RGS3: variants seen among roughly 807,000 people sequenced by gnomAD.
RGS3 encodes the protein regulator of G protein signaling 3.
Under a neutral mutation model 132.6 loss-of-function variants are expected in RGS3, and 80 were observed. The observed-to-expected ratio is 0.60, with a 90% CI of 0.50 to 0.73. The LOEUF is 0.73. Ranked by LOEUF, RGS3 falls within the 30% of genes least tolerant of loss-of-function variation. RGS3 has a pLI of 0.00. For missense variants in RGS3, 1,382 were observed against 1,530.8 expected, an observed-to-expected ratio of 0.90 and a Z score of 1.62; for synonymous variants, 598 against 620.6, an observed-to-expected ratio of 0.96 and a Z score of 0.54.
chr9:113,584,398 C>A (rs746983346), exon 20 of RGS3: 20 of 1,527,686 alleles, frequency 1.3e-5, no homozygotes, highest in South Asian at 7.6e-5. Context: ...CATGCACCAC[C>A]TTTCCCTCTT....
At chr9:113,588,782 A>G (rs761279128) in intron 20 of RGS3, among the ~76,000 whole-genome samples, 2 of 152,264 alleles carry the variant, frequency 1.3e-5, no homozygotes, top group Non-Finnish European at 2.9e-5. Context: ...GTTAACTTAC[A>G]TAATCCTCAC....
At chr9:113,545,295 C>A (rs1833061118) in intron 19 of RGS3, among the ~76,000 whole-genome samples, 1 of 152,206 alleles carries the variant, frequency 6.6e-6, no homozygotes, top group South Asian at 2.1e-4. Flanking sequence ...CTGAGACCAG[C>A]TGAGGGCACA....
chr9:113,511,333 T>C (rs537723731), intron 14 of RGS3, among the ~76,000 whole-genome samples: 29 of 151,756 alleles, frequency 1.9e-4, no homozygotes, highest in African/African-American at 6.8e-4. Context: ...CAGACATCGG[T>C]AGCAGGTGGG....
At chr9:113,479,416 C>A in intron 3 of RGS3, 75 bp from the exon 2 acceptor site, 1 of 1,397,326 alleles carries the variant, frequency 7.2e-7, no homozygotes, top group Non-Finnish European at 1.0e-6. Context: ...GCATTTCTGT[C>A]ACCTTTCCTC....
Position 113,597,132 on chromosome 9 carries a change from T to G in RGS3, c.*179T>G, listed in dbSNP as rs112490107. 4.7e-3 allele frequency: 2,761 copies of G among 588,934 alleles called. 55 individuals are homozygous for G. The highest frequency in any genetic ancestry group is 0.044 in the African/African-American group (2,325 of 53,200). The allele number at this position is 588,934 out of a possible 1,614,324, so 36.5% of individuals were successfully genotyped here. ...AGAGAGGCCCAGGCTACTGGAGGAG[T>G]AGAAGGATGGGCCCCGTGGGGTCCC... On this transcript the variant is annotated 3_prime_UTR_variant, in exon 25 of 25. Coordinates refer to ENST00000350696, the Ensembl canonical transcript of RGS3.
chr9:113,467,583 GTTA>G (rs967025743), intron 3 of RGS3, among the ~76,000 whole-genome samples: 1 of 152,014 alleles, frequency 6.6e-6, no homozygotes, highest in Admixed American at 6.5e-5. Context: ...TTTTTGTCTT[GTTA>G]TTATTGAGTT....
At chr9:113,550,426 T>G (rs1228727424) in intron 19 of RGS3, among the ~76,000 whole-genome samples, 2 of 152,226 alleles carry the variant, frequency 1.3e-5, no homozygotes, top group African/African-American at 4.8e-5. Context: ...AATAAATGCC[T>G]GTTAGTAGAG....
In RGS3 at chr9:113,507,491, C is replaced by G. The variant is rs558577823; in HGVS notation, c.1290C>G (p.Ser430Arg). The change falls in exon 13 of 25, where the codon AGC (serine) becomes AGG (arginine). Residue 430 changes from serine (S) to arginine (R), a missense_variant. Ser to Arg is a moderately radical substitution (Grantham distance 110). Transcript: ENST00000350696. This position sits in a 1 kb window ranked among gnomAD's most constrained non-coding sequence, Gnocchi z 5.0. The stretch of plus-strand genomic sequence containing the variant: ...ACAGCTGCCACCTGGTATGTGACAG[C>G]TCTGATGGGCTGCTGCTCGGCGGCT... The G allele has an allele frequency of 1.2e-6, 2 of 1,612,194 alleles. No individual in the cohort carries two copies. Among genetic ancestry groups the G allele is most frequent in the Admixed American group, 3.3e-5 (2 of 59,878 alleles).
intron 14 of RGS3, 52 bp from the exon 13 acceptor site, chr9:113,514,406 C>T (rs928335780): frequency 1.3e-6 from 2 of 1,524,522 alleles, no homozygotes; most frequent in African/African-American, 2.7e-5. Context: ...AGAGGGGACA[C>T]CTTTGCAGGA....
chr9:113,517,718 T>G, intron 16 of RGS3, 94 bp downstream of exon 14: 1 of 933,606 alleles, frequency 1.1e-6, no homozygotes, highest in Non-Finnish European at 1.7e-6. Context: ...CTGAGTATCT[T>G]AGAATTGTAC....
At position 113,558,910 on chromosome 9, in the gene RGS3, C is replaced by T. The variant is rs150932244; in HGVS notation, c.2037+21992C>T. 9.2e-5 allele frequency among the ~76,000 whole-genome samples: 14 copies of T among 152,350 alleles called. No homozygotes were observed. The East Asian group carries it at 2.7e-3, about 29-fold the overall frequency. Reference sequence around the variant, plus strand: ...CAGCCTGTGAACCCATATGATTTTGCAGACCACATTTTGAGTGGACTGATC... The same window carrying T: ...CAGCCTGTGAACCCATATGATTTTGTAGACCACATTTTGAGTGGACTGATC... On this transcript the variant is annotated intron_variant, in intron 19 of 24. Coordinates refer to ENST00000350696, the Ensembl canonical transcript of RGS3.
At chr9:113,520,243 T>C (rs1350783945) in intron 16 of RGS3, among the ~76,000 whole-genome samples, 2 of 152,220 alleles carry the variant, frequency 1.3e-5, no homozygotes, top group East Asian at 1.9e-4. Context: ...CACTCTCCCA[T>C]GGGCTGCCGT....
At chr9:113,487,891 G>C (rs932279072) in intron 7 of RGS3, among the ~76,000 whole-genome samples, 2 of 152,152 alleles carry the variant, frequency 1.3e-5, no homozygotes, top group Non-Finnish European at 2.9e-5. Flanking sequence ...TAGGTGCCGC[G>C]TCAGATTAAT....
chr9:113,505,453 G>A (rs762312867), exon 11 of RGS3: 8 of 1,614,104 alleles, frequency 5.0e-6, no homozygotes, highest in Non-Finnish European at 4.2e-6. Flanking sequence ...TCACCATCCC[G>A]AGGGGAAAGG....
intron 19 of RGS3, among the ~76,000 whole-genome samples, chr9:113,545,140 C>T (rs1176965708): frequency 6.6e-6 from 1 of 152,118 alleles, no homozygotes; most frequent in Non-Finnish European, 1.5e-5. Context: ...CACCCCTTCC[C>T]CTTTTGAATT....
chr9:113,500,288 A>T (rs571897203), intron 10 of RGS3, among the ~76,000 whole-genome samples: 2 of 152,138 alleles, frequency 1.3e-5, no homozygotes, highest in Admixed American at 6.5e-5. Flanking sequence ...AGGTGGGGAG[A>T]TGGAGGCCCA....
chr9:113,445,623 C>G (rs1260482404), intron 1 of RGS3, among the ~76,000 whole-genome samples: 1 of 152,122 alleles, frequency 6.6e-6, no homozygotes, highest in African/African-American at 2.4e-5. Flanking sequence ...GCCAGCTGGA[C>G]TTTGATTTGG....
At chr9:113,462,040 T>G (rs1829485896) in exon 3 of RGS3, 1 of 1,613,910 alleles carries the variant, frequency 6.2e-7, no homozygotes. Flanking sequence ...GTCTCTGTGC[T>G]CAGTGTCCTC....
At chr9:113,461,631 C>G (rs1174487611) in intron 1 of RGS3, 2 of 1,450,804 alleles carry the variant, frequency 1.4e-6, no homozygotes, top group Non-Finnish European at 1.9e-6. Context: ...AGGAGGGGAC[C>G]TACAAAGCAG....
Sources: allele counts gnomAD v4.1 joint callset (sites outside exome capture counted in the v4.1 genomes callset), GRCh38; gene constraint gnomAD v4.1.1; non-coding constraint Gnocchi (gnomAD v3.1); transcripts MANE v1.5; gene names NCBI Gene and HGNC (gene_info 2026-07-23, HGNC 2026-07-21).